CNTN5: variants seen among roughly 807,000 people sequenced by gnomAD.
The protein encoded by CNTN5 is contactin-5.
CNTN5 carries 77 observed loss-of-function variants against 129.1 expected under a neutral mutation model. The observed-to-expected ratio is 0.60, with a 90% CI of 0.50 to 0.72. The LOEUF (loss-of-function observed/expected upper bound fraction) is 0.72. CNTN5 is among the 30% of genes least tolerant of loss of function. The pLI, the probability that CNTN5 is intolerant of heterozygous loss-of-function variation, is 0.00. For missense variants in CNTN5, 1,478 were observed against 1,328.8 expected, an observed-to-expected ratio of 1.11 and a Z score of -1.75; for synonymous variants, 509 against 465.6, an observed-to-expected ratio of 1.09 and a Z score of -1.20.
At chr11:99,950,552 C>A (rs527311051) in intron 7 of CNTN5, among the ~76,000 whole-genome samples, 4 of 152,168 alleles carry the variant, frequency 2.6e-5, no homozygotes, top group African/African-American at 9.6e-5. Context: ...CAGCTTTATT[C>A]TATTGTAACT....
intron 3 of CNTN5, among the ~76,000 whole-genome samples, chr11:99,619,119 C>A (rs1219756805): frequency 6.6e-6 from 1 of 152,052 alleles, no homozygotes; most frequent in Non-Finnish European, 1.5e-5. Context: ...TATATTATCC[C>A]ATTTGTCCCA....
intron 3 of CNTN5, among the ~76,000 whole-genome samples, chr11:99,714,993 T>A (rs1421732899): frequency 6.6e-6 from 1 of 151,980 alleles, no homozygotes; most frequent in Admixed American, 6.6e-5. Flanking sequence ...TAATTACTCT[T>A]TTTATGCCTT....
intron 3 of CNTN5, among the ~76,000 whole-genome samples, chr11:99,739,211 T>C (rs1223842386): frequency 6.6e-6 from 1 of 152,152 alleles, no homozygotes; most frequent in African/African-American, 2.4e-5. Context: ...TTATTTATAA[T>C]AATATAAATT....
rs938473672 is a variant in CNTN5 at position 99,700,818 on chromosome 11, G to A, written c.56-118726G>A. 6.0e-5 allele frequency among the ~76,000 whole-genome samples: 9 copies of A among 151,128 alleles called. 1 individual carries two copies. Among genetic ancestry groups the A allele is most frequent in the Non-Finnish European group, 1.2e-4 (8 of 67,388 alleles). ...GCATGGAAGCAGACTTTGTCAAAAG[G>A]CAGAGAGTGGGGGTGCATGGAGGAT... On this transcript the variant is annotated intron_variant, in intron 3 of 24. Coordinates refer to ENST00000524871, the MANE Select transcript of CNTN5 (RefSeq NM_014361.4).
At chr11:99,920,667 A>G (rs911953399) in intron 7 of CNTN5, among the ~76,000 whole-genome samples, 3 of 152,126 alleles carry the variant, frequency 2.0e-5, no homozygotes, top group African/African-American at 7.2e-5. Context: ...GTGTCAGCCC[A>G]CTTTCTGGTC....
intron 23 of CNTN5, among the ~76,000 whole-genome samples, chr11:100,350,158 GATT>G (rs1368440053): frequency 6.6e-6 from 1 of 151,680 alleles, no homozygotes; most frequent in Non-Finnish European, 1.5e-5. Context: ...CATTGTTAAG[GATT>G]TATTATTGGT....
rs904410945 is a variant in CNTN5, at chr11:100,197,668, C to T, written c.1884+4005C>T. On this transcript the variant is annotated intron_variant, in intron 15 of 24. Transcript: ENST00000524871. Reference sequence around the variant, plus strand: ...AGGACTGTGCTGAGCCACTGTTTTCCAGTGACTTGAAGTCCTCTAATTATT... The same window carrying T: ...AGGACTGTGCTGAGCCACTGTTTTCTAGTGACTTGAAGTCCTCTAATTATT... Among the ~76,000 whole-genome samples the T allele has an allele frequency of 2.0e-5, 3 of 152,006 alleles. No homozygotes were observed. In the South Asian group the frequency reaches 6.2e-4, roughly 31 times the overall value.
intron 13 of CNTN5, among the ~76,000 whole-genome samples, chr11:100,134,084 C>A (rs1228051459): frequency 1.3e-5 from 2 of 152,048 alleles, no homozygotes; most frequent in East Asian, 1.9e-4. Context: ...TAAATGATAT[C>A]TTTAAACTCC....
intron 15 of CNTN5, among the ~76,000 whole-genome samples, chr11:100,207,694 G>T (rs1472717967): frequency 6.6e-6 from 1 of 152,030 alleles, no homozygotes; most frequent in Admixed American, 6.6e-5. Flanking sequence ...TTTATCATTT[G>T]CAAGAAAAGT....
chr11:99,385,630 T>G (rs1940880285), intron 2 of CNTN5, among the ~76,000 whole-genome samples: 1 of 152,184 alleles, frequency 6.6e-6, no homozygotes, highest in Non-Finnish European at 1.5e-5. Flanking sequence ...CTCTTGTATT[T>G]AGTTAAGTAT....
intron 2 of CNTN5, among the ~76,000 whole-genome samples, chr11:99,383,947 A>C (rs929540586): frequency 7.2e-5 from 11 of 152,164 alleles, no homozygotes; most frequent in Admixed American, 5.9e-4. Context: ...TAAAAGAAGA[A>C]ATTTGAAGTT....
chr11:100,079,021 AAGG>A (rs1944256850), intron 13 of CNTN5, among the ~76,000 whole-genome samples: 1 of 152,130 alleles, frequency 6.6e-6, no homozygotes, highest in Non-Finnish European at 1.5e-5. Flanking sequence ...AGGAGGCAGG[AAGG>A]AGAAGTGCCA....
chr11:100,216,238 A>G (rs2138602862), intron 15 of CNTN5, among the ~76,000 whole-genome samples: 1 of 152,280 alleles, frequency 6.6e-6, no homozygotes, highest in South Asian at 2.1e-4. Context: ...GTATCTGAGT[A>G]TTCTTCCACA....
At chr11:99,198,873 CT>C (rs2135619563) in intron 1 of CNTN5, among the ~76,000 whole-genome samples, 1 of 152,204 alleles carries the variant, frequency 6.6e-6, no homozygotes, top group East Asian at 1.9e-4. Context: ...TAAGAGTAAT[CT>C]GATTGTTACC....
chr11:99,792,939 G>C (rs538336297), intron 3 of CNTN5, among the ~76,000 whole-genome samples: 1 of 152,088 alleles, frequency 6.6e-6, no homozygotes, highest in South Asian at 2.1e-4. Context: ...GTCTCTGAGA[G>C]TTTTTTGTAT....
chr11:99,562,683 C>T (rs964433382), intron 3 of CNTN5, among the ~76,000 whole-genome samples: 1 of 152,010 alleles, frequency 6.6e-6, no homozygotes, highest in Admixed American at 6.6e-5. Flanking sequence ...TATTTAAAAA[C>T]ATACTGGCAT....
rs114722813 is a variant in CNTN5, at chr11:99,278,797, T to C, written c.-209-46549T>C. Reference sequence around the variant, plus strand: ...CATTAATTAGTATAATTTTATGTAGTAATCTGTATTAAATATACATTATTC... The same window carrying C: ...CATTAATTAGTATAATTTTATGTAGCAATCTGTATTAAATATACATTATTC... On this transcript the variant is annotated intron_variant, in intron 1 of 24. Coordinates refer to ENST00000524871, the MANE Select transcript of CNTN5 (RefSeq NM_014361.4). Among the ~76,000 whole-genome samples, 1,033 of 151,834 alleles carry C rather than the reference T, an allele frequency of 6.8e-3. 11 individuals are homozygous for C. The highest frequency in any genetic ancestry group is 0.023 in the African/African-American group (965 of 41,484).
At chr11:99,398,036 T>C in intron 2 of CNTN5, among the ~76,000 whole-genome samples, 1 of 151,846 alleles carries the variant, frequency 6.6e-6, no homozygotes, top group East Asian at 1.9e-4. Flanking sequence ...TAATCTATTA[T>C]CACATTGATA....
chr11:99,454,378 G>C (rs1169681896), intron 2 of CNTN5, among the ~76,000 whole-genome samples: 3 of 152,122 alleles, frequency 2.0e-5, no homozygotes, highest in African/African-American at 7.2e-5. Flanking sequence ...GGAGATAATT[G>C]AATCATAGGC....
Sources: gnomAD v4.1 joint callset for allele counts (sites outside exome capture counted in the v4.1 genomes callset) on GRCh38, gnomAD v4.1.1 for gene constraint, MANE v1.5 for transcripts, NCBI Gene and HGNC (gene_info 2026-07-23, HGNC 2026-07-21) for gene names.